Variants in CADM1 observed in about 807,000 individuals in gnomAD.
CADM1 encodes cell adhesion molecule 1.
CADM1 carries 15 observed loss-of-function variants against 53.1 expected under a neutral mutation model. That is an observed-to-expected ratio of 0.28 (90% CI 0.19 to 0.44). CADM1 has a LOEUF of 0.44. Among genes scored for constraint, CADM1 ranks in the 20% least tolerant of loss-of-function variants. The probability of loss-of-function intolerance (pLI) is 1.00; values close to 1 mark genes in which losing one functional copy is unlikely to be tolerated. For missense variants in CADM1, 434 were observed against 611.3 expected (o/e 0.71, Z 3.06); for synonymous variants, 281 against 243.0 (o/e 1.16, Z -1.45).
chr11:115,481,778 CAT>C (rs1382218569), intron 1 of CADM1, among the ~76,000 whole-genome samples: 1 of 152,188 alleles, frequency 6.6e-6, no homozygotes, highest in Non-Finnish European at 1.5e-5. Context: ...CTTTCCTAAA[CAT>C]ATCCTGAAAC....
intron 1 of CADM1, among the ~76,000 whole-genome samples, chr11:115,488,440 A>G (rs1454989135): frequency 6.6e-6 from 1 of 152,164 alleles, no homozygotes; most frequent in African/African-American, 2.4e-5. Context: ...TGACAGTGAG[A>G]AAAAGGGCTT....
chr11:115,211,841 G>A (rs528132582), intron 7 of CADM1, among the ~76,000 whole-genome samples: 2 of 152,154 alleles, frequency 1.3e-5, no homozygotes, highest in African/African-American at 2.4e-5. Context: ...AGTGTGTGAT[G>A]TCCACAATAC....
intron 1 of CADM1, among the ~76,000 whole-genome samples, chr11:115,410,466 T>G (rs220841): frequency 0.95 from 145,174 of 152,156 alleles, 69,535 homozygotes; most frequent in Non-Finnish European, 0.98. Context: ...CTAAGAAAAA[T>G]AAACAAAGTC....
At chr11:115,264,282 T>TG (rs1389223217) in intron 1 of CADM1, among the ~76,000 whole-genome samples, 1 of 152,216 alleles carries the variant, frequency 6.6e-6, no homozygotes, top group Admixed American at 6.5e-5. Flanking sequence ...AGTCTTGACT[T>TG]GTTTTATTAA....
rs1938959167 is a variant in CADM1, at chr11:115,175,014, G to A, written c.*1460C>T. On this transcript the variant is annotated 3_prime_UTR_variant, in exon 12 of 12. Coordinates refer to ENST00000331581, the MANE Select transcript of CADM1 (RefSeq NM_001301043.2). ...ATTTTAGTAGCTATGCACTATGGCT[G>A]CCATCATGCGAGGATCAGTAATTTT... is the stretch of plus-strand genomic sequence containing the variant. 1.0e-6 allele frequency: 1 copy of A among 985,746 alleles called. No individual in the cohort carries two copies. Among genetic ancestry groups the A allele is most frequent in the African/African-American group, 1.7e-5 (1 of 57,238 alleles). The allele number at this position is 985,746 out of a possible 1,614,324, so 61.1% of individuals were successfully genotyped here.
At chr11:115,481,099 C>T (rs1357489492) in intron 1 of CADM1, among the ~76,000 whole-genome samples, 3 of 152,240 alleles carry the variant, frequency 2.0e-5, no homozygotes, top group East Asian at 3.9e-4. Context: ...CTAAGTTCTA[C>T]ACCTCCTTAT....
At chr11:115,183,530 ACTG>A (rs1251312453) in intron 10 of CADM1, among the ~76,000 whole-genome samples, 1 of 152,224 alleles carries the variant, frequency 6.6e-6, no homozygotes, top group Non-Finnish European at 1.5e-5. Context: ...CTTCACTGCA[ACTG>A]CTGCCTGCCC....
chr11:115,428,534 G>A (rs1304823132), intron 1 of CADM1, among the ~76,000 whole-genome samples: 5 of 152,146 alleles, frequency 3.3e-5, no homozygotes, highest in African/African-American at 1.2e-4. Flanking sequence ...ACCCCCATCT[G>A]TCATAGCTTG....
intron 1 of CADM1, among the ~76,000 whole-genome samples, chr11:115,261,341 C>CCT (rs1463407781): frequency 9.9e-5 from 15 of 152,118 alleles, no homozygotes; most frequent in Admixed American, 9.2e-4. Flanking sequence ...AGTCCCAGGA[C>CCT]CTCTGTACCA....
intron 1 of CADM1, among the ~76,000 whole-genome samples, chr11:115,413,658 T>TTTTTTTTTTTTTTTTTC: frequency 6.7e-6 from 1 of 150,306 alleles, no homozygotes; most frequent in African/African-American, 2.4e-5. Context: ...TTTTTTTTTT[T>TTTTTTTTTTTTTTTTTC]CTCTGAGACA....
At chr11:115,425,844 T>G (rs945803370) in intron 1 of CADM1, among the ~76,000 whole-genome samples, 1 of 152,238 alleles carries the variant, frequency 6.6e-6, no homozygotes, top group African/African-American at 2.4e-5. Context: ...AAAAACTTCC[T>G]TACTGCTTTA....
chr11:115,250,403 GT>G (rs1260174922), intron 1 of CADM1, among the ~76,000 whole-genome samples: 2 of 152,042 alleles, frequency 1.3e-5, no homozygotes, highest in Non-Finnish European at 2.9e-5. Context: ...TAAAAGCTGG[GT>G]TTTTCCCCCT....
intron 1 of CADM1, among the ~76,000 whole-genome samples, chr11:115,391,285 T>G (rs542582202): frequency 6.6e-6 from 1 of 152,342 alleles, no homozygotes; most frequent in South Asian, 2.1e-4. Context: ...CAACACACTC[T>G]CAGGGCTGTC....
intron 1 of CADM1, among the ~76,000 whole-genome samples, chr11:115,338,818 T>C (rs137895929): frequency 2.0e-5 from 3 of 151,986 alleles, no homozygotes; most frequent in Non-Finnish European, 4.4e-5. Flanking sequence ...CTATATGCTT[T>C]GTAAGATCCT....
chr11:115,248,970 C>T (rs1309775735), intron 1 of CADM1, among the ~76,000 whole-genome samples: 4 of 152,262 alleles, frequency 2.6e-5, no homozygotes, highest in Middle Eastern at 3.4e-3. Context: ...ATCCAACAAA[C>T]GTGGACTTTG....
chr11:115,365,413 A>G (rs1316238125), intron 1 of CADM1, among the ~76,000 whole-genome samples: 1 of 152,182 alleles, frequency 6.6e-6, no homozygotes, highest in South Asian at 2.1e-4. Context: ...TTGGTTCCCA[A>G]TATCTTTAAA....
chr11:115,389,001 A>T (rs758571476), intron 1 of CADM1, among the ~76,000 whole-genome samples: 43 of 152,194 alleles, frequency 2.8e-4, no homozygotes, highest in Non-Finnish European at 4.4e-4. Flanking sequence ...TAGTTACATA[A>T]GAAAATCTTA....
intron 1 of CADM1, among the ~76,000 whole-genome samples, chr11:115,470,524 G>A (rs1948988546): frequency 6.6e-6 from 1 of 152,160 alleles, no homozygotes; most frequent in Admixed American, 6.5e-5. Flanking sequence ...TTGTCAAAAA[G>A]TCAAGTAATA....
chr11:115,500,939 G>A (rs1020533772), intron 1 of CADM1, among the ~76,000 whole-genome samples: 7 of 152,216 alleles, frequency 4.6e-5, no homozygotes, highest in Admixed American at 3.3e-4. Context: ...CCTGCCTGTT[G>A]GCGTCTTCCC....
Sources: allele counts gnomAD v4.1 joint callset (sites outside exome capture counted in the v4.1 genomes callset), GRCh38; gene constraint gnomAD v4.1.1; transcripts MANE v1.5; gene names NCBI Gene and HGNC (gene_info 2026-07-23, HGNC 2026-07-21).